The following AUH variants were observed in gnomAD, a reference collection of about 807,000 sequenced individuals.
The protein encoded by AUH is methylglutaconyl-CoA hydratase, mitochondrial.
In AUH, 29 loss-of-function variants were observed where a neutral mutation model predicts 42.3. That is an observed-to-expected ratio of 0.69 (90% CI 0.51 to 0.93). AUH has a LOEUF of 0.93. Among genes scored for constraint, AUH ranks in the 40% least tolerant of loss-of-function variants. AUH has a pLI of 0.00. For synonymous variants in AUH, 174 were observed against 166.4 expected (o/e 1.05, Z -0.35); for missense variants, 452 against 438.1 (o/e 1.03, Z -0.28).
chr9:91,221,060 A>AT, intron 6 of AUH, 68 bp from the exon 7 acceptor site: 1 of 1,530,340 alleles, frequency 6.5e-7, no homozygotes, highest in South Asian at 1.1e-5. Context: ...TCAGTGTTTC[A>AT]TATCTTCATT....
chr9:91,234,579 G>A (rs141619780), intron 6 of AUH, among the ~76,000 whole-genome samples: 1 of 151,808 alleles, frequency 6.6e-6, no homozygotes, highest in African/African-American at 2.4e-5. Flanking sequence ...CTTTAAAAAA[G>A]TCAGATGAAA....
At chr9:91,319,517 G>A (rs764644764) in intron 4 of AUH, among the ~76,000 whole-genome samples, 21 of 152,158 alleles carry the variant, frequency 1.4e-4, no homozygotes, top group Admixed American at 4.6e-4. Context: ...CAGTCTCCTC[G>A]AAATATCAGG....
chr9:91,294,541 C>A (rs139806657), intron 6 of AUH: 133 of 364,414 alleles, frequency 3.6e-4, no homozygotes, highest in Non-Finnish European at 4.9e-4. Context: ...AGCGAGACTC[C>A]GTCTCAAAAA....
At chr9:91,223,697 G>C (rs76953614) in intron 6 of AUH, among the ~76,000 whole-genome samples, 15,517 of 152,122 alleles carry the variant, frequency 0.1, 844 homozygotes, top group African/African-American at 0.13. Flanking sequence ...CAGAGAACAA[G>C]AATTCCAATT....
chr9:91,234,649 T>A (rs1267589897), intron 6 of AUH, among the ~76,000 whole-genome samples: 1 of 151,876 alleles, frequency 6.6e-6, no homozygotes, highest in Non-Finnish European at 1.5e-5. Context: ...GTTCAATAAA[T>A]AATTTATTGA....
intron 3 of AUH, among the ~76,000 whole-genome samples, chr9:91,334,137 T>C (rs914194674): frequency 3.3e-5 from 5 of 152,218 alleles, no homozygotes; most frequent in African/African-American, 1.2e-4. Context: ...CAGAAGTCAG[T>C]TGCCAGGTCA....
At chr9:91,241,448 A>G (rs1049489705) in intron 6 of AUH, among the ~76,000 whole-genome samples, 4 of 152,098 alleles carry the variant, frequency 2.6e-5, no homozygotes, top group Admixed American at 6.6e-5. Context: ...AGTATCTACA[A>G]ATGTATTATA....
chr9:91,290,388 CT>C (rs1363218433), intron 6 of AUH, among the ~76,000 whole-genome samples: 1 of 151,856 alleles, frequency 6.6e-6, no homozygotes, highest in African/African-American at 2.4e-5. Flanking sequence ...GTCCTTTAGC[CT>C]GGGTGACCAA....
intron 3 of AUH, among the ~76,000 whole-genome samples, chr9:91,331,077 C>T (rs1302258139): frequency 6.6e-6 from 1 of 152,100 alleles, no homozygotes; most frequent in Non-Finnish European, 1.5e-5. Context: ...CCTCCAGCTG[C>T]CAATTTTTTC....
intron 6 of AUH, among the ~76,000 whole-genome samples, chr9:91,263,333 A>G (rs537460184): frequency 2.0e-5 from 3 of 152,324 alleles, no homozygotes; most frequent in South Asian, 2.1e-4. Context: ...TATACAACTA[A>G]TAGTAAAAAA....
intron 4 of AUH, among the ~76,000 whole-genome samples, chr9:91,314,108 G>T (rs1267376218): frequency 6.6e-6 from 1 of 152,060 alleles, no homozygotes; most frequent in Non-Finnish European, 1.5e-5. Context: ...GCAGGCATGA[G>T]CCACTGTGCC....
chr9:91,262,267 C>CCAGT lies in AUH; in HGVS notation c.655+33750_655+33753dup, dbSNP rs144109044. ...TACATCAGTTATGTTTCTGTAAAAC[C>CCAGT]CAGTGTACCTGAGATAATTTTGAAT... On this transcript the variant is annotated intron_variant, in intron 6 of 9. Coordinates refer to ENST00000375731, the MANE Select transcript of AUH (RefSeq NM_001698.3). 3.6e-3 allele frequency among the ~76,000 whole-genome samples: 542 copies of CCAGT among 152,202 alleles called. 6 individuals carry two copies. The highest frequency in any genetic ancestry group is 0.012 in the African/African-American group (518 of 41,512).
intron 3 of AUH, among the ~76,000 whole-genome samples, chr9:91,340,068 GA>G (rs1213983426): frequency 2.0e-5 from 3 of 152,118 alleles, no homozygotes; most frequent in Non-Finnish European, 4.4e-5. Flanking sequence ...AAAATTACTA[GA>G]GAAAGAAAAA....
rs1407820267 is a variant in AUH, at chr9:91,356,169, A to G, written c.263-14T>C. 3 of 1,608,666 alleles carry G rather than the reference A, an allele frequency of 1.9e-6. No individual in the cohort carries two copies. Among genetic ancestry groups the G allele is most frequent in the African/African-American group, 1.3e-5 (1 of 74,940 alleles). ...GCACCACAATTCCTAGTTAAAGGGG[A>G]AAAAAAGTACAAGCACTTGAGTGAG... On this transcript the variant is annotated splice_polypyrimidine_tract_variant and intron_variant, in intron 1 of 9. Transcript: ENST00000375731.
At chr9:91,320,005 G>A (rs886945738) in intron 4 of AUH, among the ~76,000 whole-genome samples, 7 of 152,144 alleles carry the variant, frequency 4.6e-5, no homozygotes, top group African/African-American at 1.7e-4. Context: ...TTCTTCTGAG[G>A]AGGCAAGAAC....
At chr9:91,324,875 A>C (rs1276771877) in intron 4 of AUH, among the ~76,000 whole-genome samples, 1 of 152,086 alleles carries the variant, frequency 6.6e-6, no homozygotes, top group Non-Finnish European at 1.5e-5. Flanking sequence ...AAAAATGTTC[A>C]TTAATGAAGA....
In AUH at chr9:91,296,228, T is replaced by C. The variant is rs1827322637; in HGVS notation, c.599-151A>G. 10 of 776,194 alleles carry C rather than the reference T, an allele frequency of 1.3e-5. No homozygotes were observed. In the Admixed American group the frequency reaches 2.0e-4, roughly 15 times the overall value. 48.1% of individuals were successfully genotyped at this position (776,194 alleles called of 1,614,324 possible). ...AAAAATCACTTAAAAGGCATTGTTATGGAAATAAGTAAGCACTCTAAATGA... is the reference window on the plus strand; with the variant it reads ...AAAAATCACTTAAAAGGCATTGTTACGGAAATAAGTAAGCACTCTAAATGA... On this transcript the variant is annotated intron_variant, in intron 5 of 9. Transcript: ENST00000375731.
intron 6 of AUH, among the ~76,000 whole-genome samples, chr9:91,254,339 A>G (rs1829296852): frequency 6.6e-6 from 1 of 152,200 alleles, no homozygotes; most frequent in South Asian, 2.1e-4. Context: ...GCCTCTCCCA[A>G]CAACAGCAGG....
Position 91,217,161 on chromosome 9 carries a change from A to G in AUH, c.894+116T>C, listed in dbSNP as rs565432767. 7 of 1,098,592 alleles carry G rather than the reference A, an allele frequency of 6.4e-6. No individual in the cohort carries two copies. The Admixed American group carries it at 1.0e-4, about 16-fold the overall frequency. 68.1% of individuals were successfully genotyped at this position (1,098,592 alleles called of 1,614,324 possible). The stretch of plus-strand genomic sequence containing the variant: ...TTCAGTAGCTTTCAGTAATAGTAGC[A>G]TTTAAACAACCATATTTTAGAACTT... On this transcript the variant is annotated intron_variant, in intron 8 of 9. Coordinates refer to ENST00000375731, the MANE Select transcript of AUH (RefSeq NM_001698.3).
Sources: allele counts gnomAD v4.1 joint callset (sites outside exome capture counted in the v4.1 genomes callset), GRCh38; gene constraint gnomAD v4.1.1; transcripts MANE v1.5; gene names NCBI Gene and HGNC (gene_info 2026-07-23, HGNC 2026-07-21).